Variants in UBE4B observed in about 807,000 individuals in gnomAD.
The protein encoded by UBE4B is ubiquitination factor E4B.
In UBE4B, 27 loss-of-function variants were observed where a neutral mutation model predicts 148.1. The ratio of observed to expected loss-of-function variants is 0.18; its 90% CI spans 0.13 to 0.25. UBE4B has a LOEUF of 0.25. Ranked by LOEUF, UBE4B falls within the 10% of genes least tolerant of loss-of-function variation. The pLI, the probability that UBE4B is intolerant of heterozygous loss-of-function variation, is 1.00. For missense variants in UBE4B, 1,170 were observed against 1,662.4 expected, an observed-to-expected ratio of 0.70 and a Z score of 5.15; for synonymous variants, 596 against 619.3, an observed-to-expected ratio of 0.96 and a Z score of 0.56.
chr1:10,046,275 A>G (rs373543843), intron 1 of UBE4B, among the ~76,000 whole-genome samples: 11 of 152,180 alleles, frequency 7.2e-5, no homozygotes, highest in African/African-American at 2.7e-4. Flanking sequence ...GTTCTCTCAC[A>G]TCAGAAAGGG....
At chr1:10,094,090 T>C (rs965376756) in intron 2 of UBE4B, among the ~76,000 whole-genome samples, 1 of 152,314 alleles carries the variant, frequency 6.6e-6, no homozygotes, top group African/African-American at 2.4e-5. Flanking sequence ...ATTCTTCTTT[T>C]TTCATAGGAA....
intron 1 of UBE4B, among the ~76,000 whole-genome samples, chr1:10,061,943 C>T (rs1018339231): frequency 6.7e-6 from 1 of 148,964 alleles, no homozygotes; most frequent in African/African-American, 2.5e-5. Flanking sequence ...CGAGGTCTCG[C>T]TCTGTTGCCA....
intron 14 of UBE4B, 90 bp downstream of exon 14, chr1:10,130,903 A>C: frequency 1.7e-6 from 2 of 1,151,490 alleles, no homozygotes; most frequent in Non-Finnish European, 2.6e-6. Flanking sequence ...TATGCCCAGT[A>C]GACAAACGGC....
At position 10,064,028 on chromosome 1, in the gene UBE4B, C is replaced by T. The variant is rs77046700; in HGVS notation, c.25-8000C>T. Among the ~76,000 whole-genome samples, 208 of 152,192 alleles carry T rather than the reference C, an allele frequency of 1.4e-3. 3 individuals carry two copies. The East Asian group carries it at 0.037, about 27-fold the overall frequency. On this transcript the variant is annotated intron_variant, in intron 1 of 27. Coordinates refer to ENST00000343090, the MANE Select transcript of UBE4B (RefSeq NM_001105562.3). ...GTGTCTTAGGATGGTATTCACAGCT[C>T]GTCATGAGCTTGTTGCAGCTTGTCT...
At chr1:10,043,339 A>G (rs1396851355) in intron 1 of UBE4B, among the ~76,000 whole-genome samples, 1 of 150,670 alleles carries the variant, frequency 6.6e-6, no homozygotes, top group African/African-American at 2.4e-5. Flanking sequence ...TGAGATCTCA[A>G]CTGTTTTTCA....
intron 8 of UBE4B, among the ~76,000 whole-genome samples, chr1:10,118,244 C>G (rs1250927675): frequency 1.3e-5 from 2 of 152,164 alleles, no homozygotes; most frequent in African/African-American, 2.4e-5. Context: ...TCGTTGCCCA[C>G]TGGTTAGTTT....
rs772136828 is a variant in UBE4B, at chr1:10,146,949, C to T, written c.2464-14C>T. The stretch of plus-strand genomic sequence containing the variant: ...CTGACTGATCTTTGGGTGGGGACAT[C>T]CCTGCTTCCACAGAAACTGGTACGG... On this transcript the variant is annotated splice_polypyrimidine_tract_variant and intron_variant, in intron 18 of 27. Coordinates refer to ENST00000343090, the MANE Select transcript of UBE4B (RefSeq NM_001105562.3). 50 of 1,613,268 alleles carry T rather than the reference C, an allele frequency of 3.1e-5. No individual in the cohort carries two copies. In the East Asian group the frequency reaches 1.1e-3, roughly 36 times the overall value.
chr1:10,052,319 G>A (rs1321907199), intron 1 of UBE4B, among the ~76,000 whole-genome samples: 1 of 151,960 alleles, frequency 6.6e-6, no homozygotes, highest in Admixed American at 6.6e-5. Context: ...TGATCCTCCG[G>A]CCTTAGCCTC....
intron 7 of UBE4B, among the ~76,000 whole-genome samples, chr1:10,111,069 A>G (rs947809800): frequency 4.0e-5 from 6 of 150,076 alleles, no homozygotes; most frequent in African/African-American, 1.2e-4. Flanking sequence ...ACACACACAC[A>G]CACACACACA....
In UBE4B at chr1:10,105,355, A is replaced by G. The variant is rs76270792; in HGVS notation, c.581-161A>G. 4.6e-5 allele frequency among the ~76,000 whole-genome samples: 7 copies of G among 152,348 alleles called. No homozygotes were observed. The South Asian group carries it at 1.2e-3, about 27-fold the overall frequency. On this transcript the variant is annotated intron_variant, in intron 5 of 27. Coordinates refer to ENST00000343090, the MANE Select transcript of UBE4B (RefSeq NM_001105562.3). ...ACTAAGAAATTACTACTAACTAAACACAAGGCTTTATTTAGGTTTTCCACT... is the reference window on the plus strand; with the variant it reads ...ACTAAGAAATTACTACTAACTAAACGCAAGGCTTTATTTAGGTTTTCCACT...
rs373093217 is a variant in UBE4B at position 10,063,114 on chromosome 1, A to C, written c.25-8914A>C. On this transcript the variant is annotated intron_variant, in intron 1 of 27. Transcript: ENST00000343090. ...GAAACCCCGTCTCTAATAAAAATAC[A>C]AAAATTAGCTGGGTGTGGTGGCGCA... Among the ~76,000 whole-genome samples the C allele has an allele frequency of 1.1e-4, 16 of 144,024 alleles. No homozygotes were observed. The East Asian group carries it at 3.0e-3, about 27-fold the overall frequency. The allele number at this position is 144,024 out of a possible 152,430, so 94.5% of individuals were successfully genotyped here.
At chr1:10,075,689 C>T (rs1371777311) in intron 2 of UBE4B, among the ~76,000 whole-genome samples, 1 of 152,188 alleles carries the variant, frequency 6.6e-6, no homozygotes, top group Non-Finnish European at 1.5e-5. Flanking sequence ...GTTGAATAAA[C>T]AGATTTTCAT....
rs749525437 is a variant in UBE4B, at chr1:10,106,273, C to A, written c.886C>A (p.Pro296Thr). ...CGTGATGGGCCCGTCTCTTGCCTCA[C>A]CTTCCCGTGCAGCCAGCCAGTTGGC... Reference protein sequence around the residue: ...VPVMGPSLASPSRAASQLAVP... With the variant: ...VPVMGPSLASTSRAASQLAVP... Residue 296 changes from proline (P) to threonine (T), a missense_variant, in exon 7 of 28, where the codon CCT becomes ACT. Physicochemically the swap from Pro to Thr is conservative, Grantham distance 38. This residue lies in a region of UBE4B where 214 missense variants were observed against 209.1 expected (regional missense o/e 1.02). Transcript: ENST00000343090. The surrounding 1 kb of genome is among the most constrained non-coding windows in gnomAD (Gnocchi z 4.2). The A allele has an allele frequency of 2.5e-6, 4 of 1,614,130 alleles. No individual in the cohort carries two copies. The South Asian group carries it at 3.3e-5, about 13-fold the overall frequency.
At chr1:10,097,576 C>T (rs952424042) in intron 3 of UBE4B, among the ~76,000 whole-genome samples, 1 of 152,118 alleles carries the variant, frequency 6.6e-6, no homozygotes, top group African/African-American at 2.4e-5. Context: ...TTTGGGAGGC[C>T]GACGCAGGTG....
At chr1:10,158,225 A>G (rs1646105181) in intron 21 of UBE4B, 131 bp from the exon 22 acceptor site, 2 of 1,196,670 alleles carry the variant, frequency 1.7e-6, no homozygotes, top group Non-Finnish European at 2.3e-6. Flanking sequence ...TACATGCAAA[A>G]GAAGTGCAAA....
chr1:10,162,052 A>G (rs1197470101), intron 23 of UBE4B, among the ~76,000 whole-genome samples: 1 of 149,048 alleles, frequency 6.7e-6, no homozygotes, highest in Non-Finnish European at 1.5e-5. Context: ...ACGCAGGAGT[A>G]CAGTGGTGCG....
intron 14 of UBE4B, 146 bp downstream of exon 14, chr1:10,130,959 TAA>T (rs1645583433): frequency 1.5e-6 from 1 of 678,632 alleles, no homozygotes; most frequent in Admixed American, 2.7e-5. Flanking sequence ...AAACTATAAG[TAA>T]GTAGCCTGTG....
chr1:10,062,117 C>G (rs1405492954), intron 1 of UBE4B, among the ~76,000 whole-genome samples: 1 of 151,694 alleles, frequency 6.6e-6, no homozygotes, highest in Non-Finnish European at 1.5e-5. Flanking sequence ...ACCATGTTGG[C>G]CAGGATGGTC....
At chr1:10,070,154 G>T (rs1401068432) in intron 1 of UBE4B, among the ~76,000 whole-genome samples, 3 of 151,752 alleles carry the variant, frequency 2.0e-5, no homozygotes, top group African/African-American at 7.3e-5. Context: ...CATGCCTGTA[G>T]TCCCAGCTAC....
Sources: allele counts gnomAD v4.1 joint callset (sites outside exome capture counted in the v4.1 genomes callset), GRCh38; gene constraint gnomAD v4.1.1; regional missense constraint gnomAD v4.1.1; non-coding constraint Gnocchi (gnomAD v3.1); transcripts MANE v1.5; gene names NCBI Gene and HGNC (gene_info 2026-07-23, HGNC 2026-07-21).